The following NRXN1 variants were observed in gnomAD, a reference collection of about 807,000 sequenced individuals.
NRXN1 encodes the protein neurexin 1.
Under a neutral mutation model 150.9 loss-of-function variants are expected in NRXN1, and 39 were observed. The observed-to-expected ratio is 0.26, with a 90% CI of 0.20 to 0.34. NRXN1 has a LOEUF of 0.34. Ranked by LOEUF, NRXN1 falls within the 10% of genes least tolerant of loss-of-function variation. The pLI is 1.00. For synonymous variants in NRXN1, 924 were observed against 757.0 expected, an observed-to-expected ratio of 1.22 and a Z score of -3.62; for missense variants, 1,815 against 1,949.9, an observed-to-expected ratio of 0.93 and a Z score of 1.30.
intron 17 of NRXN1, among the ~76,000 whole-genome samples, chr2:50,358,986 G>T (rs2079007467): frequency 6.6e-6 from 1 of 152,184 alleles, no homozygotes; most frequent in Admixed American, 6.5e-5. Context: ...AACTGCAGAA[G>T]ACTGTTAGAA....
intron 2 of NRXN1, among the ~76,000 whole-genome samples, chr2:50,959,109 C>T (rs1338304717): frequency 6.6e-6 from 1 of 151,918 alleles, no homozygotes; most frequent in Non-Finnish European, 1.5e-5. Context: ...TAACAAGTGT[C>T]GGTGAAAATG....
intron 18 of NRXN1, among the ~76,000 whole-genome samples, chr2:50,231,837 T>C (rs2064970690): frequency 1.3e-5 from 2 of 148,622 alleles, no homozygotes; most frequent in South Asian, 4.2e-4. Context: ...AGTGACAACA[T>C]TGGTAAAATT....
At chr2:50,412,852 G>T (rs1158031401) in intron 17 of NRXN1, among the ~76,000 whole-genome samples, 1 of 152,114 alleles carries the variant, frequency 6.6e-6, no homozygotes, top group Non-Finnish European at 1.5e-5. Flanking sequence ...ATCTCTTCAA[G>T]AAATGGTGCT....
At chr2:50,856,017 C>T (rs1267718236) in intron 5 of NRXN1, among the ~76,000 whole-genome samples, 1 of 148,082 alleles carries the variant, frequency 6.8e-6, no homozygotes, top group Non-Finnish European at 1.5e-5. Context: ...CAACAGAACA[C>T]GAGTAGCCTT....
chr2:50,466,242 A>C (rs1301110322), intron 16 of NRXN1, among the ~76,000 whole-genome samples: 2 of 151,854 alleles, frequency 1.3e-5, no homozygotes, highest in Non-Finnish European at 2.9e-5. Context: ...GCATGATCAA[A>C]GCACTAAAGG....
intron 15 of NRXN1, among the ~76,000 whole-genome samples, chr2:50,491,968 A>G (rs2091279414): frequency 6.6e-6 from 1 of 152,200 alleles, no homozygotes; most frequent in Non-Finnish European, 1.5e-5. Flanking sequence ...AGGATTAAAT[A>G]CAGTAACTTC....
At chr2:50,715,597 C>A (rs1695761335) in intron 5 of NRXN1, among the ~76,000 whole-genome samples, 1 of 152,136 alleles carries the variant, frequency 6.6e-6, no homozygotes, top group African/African-American at 2.4e-5. Context: ...TCCCAGATAT[C>A]TTTAAATACT....
At chr2:50,501,636 C>T (rs2091952839) in intron 13 of NRXN1, among the ~76,000 whole-genome samples, 1 of 135,830 alleles carries the variant, frequency 7.4e-6, no homozygotes, top group Non-Finnish European at 1.7e-5. Context: ...GACATACACA[C>T]ACAGATTAAA....
intron 21 of NRXN1, among the ~76,000 whole-genome samples, chr2:49,953,208 T>C (rs1674291159): frequency 6.6e-6 from 1 of 152,132 alleles, no homozygotes; most frequent in Admixed American, 6.6e-5. Flanking sequence ...ATCACTTAGT[T>C]AACAGAAGGT....
At chr2:50,175,199 C>G (rs1293602682) in intron 18 of NRXN1, 1 of 152,164 alleles carries the variant, frequency 6.6e-6, no homozygotes, top group African/African-American at 2.4e-5. Flanking sequence ...AACAGGCCAT[C>G]CTGATAAGAA....
At chr2:50,943,934 G>A (rs570684663) in intron 2 of NRXN1, among the ~76,000 whole-genome samples, 23 of 152,180 alleles carry the variant, frequency 1.5e-4, no homozygotes, top group African/African-American at 5.3e-4. Context: ...ATTTTTGGAA[G>A]ACCCTGGCAT....
chr2:50,872,564 TAGTC>T (rs1677943263), intron 5 of NRXN1, among the ~76,000 whole-genome samples: 1 of 151,660 alleles, frequency 6.6e-6, no homozygotes, highest in African/African-American at 2.4e-5. Flanking sequence ...TTATGCTAAA[TAGTC>T]AGGTCTTTCC....
intron 5 of NRXN1, among the ~76,000 whole-genome samples, chr2:50,865,195 C>G: frequency 6.6e-6 from 1 of 151,772 alleles, no homozygotes; most frequent in East Asian, 1.9e-4. Flanking sequence ...CAGCTAGGAA[C>G]AGTGCAAGAA....
At chr2:50,789,826 T>C (rs2105590320) in intron 5 of NRXN1, among the ~76,000 whole-genome samples, 1 of 152,292 alleles carries the variant, frequency 6.6e-6, no homozygotes, top group South Asian at 2.1e-4. Flanking sequence ...GCAAGATGTT[T>C]AATGCACAGA....
intron 2 of NRXN1, among the ~76,000 whole-genome samples, chr2:50,931,688 T>C (rs192083228): frequency 6.6e-6 from 1 of 150,802 alleles, no homozygotes; most frequent in African/African-American, 2.5e-5. Flanking sequence ...TAGTTTTTCA[T>C]TTTATATGGT....
intron 18 of NRXN1, among the ~76,000 whole-genome samples, chr2:50,174,211 A>T (rs1030126306): frequency 5.9e-5 from 9 of 152,134 alleles, no homozygotes; most frequent in Non-Finnish European, 1.2e-4. Flanking sequence ...AAAAAGAGAC[A>T]AAATAGTGTA....
At chr2:50,352,778 T>TAA (rs199706433) in intron 17 of NRXN1, among the ~76,000 whole-genome samples, 4,048 of 59,078 alleles carry the variant, frequency 0.069, 173 homozygotes, top group African/African-American at 0.19. Flanking sequence ...AATAATAATA[T>TAA]TATAATAATA....
At chr2:50,780,117 A>T (rs905122832) in intron 5 of NRXN1, among the ~76,000 whole-genome samples, 18 of 152,182 alleles carry the variant, frequency 1.2e-4, no homozygotes, top group African/African-American at 4.3e-4. Context: ...TCTAATGACC[A>T]GCGATGATTA....
intron 15 of NRXN1, among the ~76,000 whole-genome samples, chr2:50,476,889 G>C (rs2090034768): frequency 6.6e-6 from 1 of 152,038 alleles, no homozygotes; most frequent in East Asian, 1.9e-4. Flanking sequence ...AAGCGATTAA[G>C]AGGACAAAAA....
Sources: allele counts gnomAD v4.1 joint callset (sites outside exome capture counted in the v4.1 genomes callset), GRCh38; gene constraint gnomAD v4.1.1; transcripts MANE v1.5; gene names NCBI Gene and HGNC (gene_info 2026-07-23, HGNC 2026-07-21).